Variants in ROBO2 observed in about 807,000 individuals in gnomAD.
ROBO2 encodes roundabout homolog 2.
ROBO2 carries 53 observed loss-of-function variants against 160.8 expected under a neutral mutation model. The ratio of observed to expected loss-of-function variants is 0.33; its 90% CI spans 0.26 to 0.41. The LOEUF (loss-of-function observed/expected upper bound fraction) is 0.41. Among genes scored for constraint, ROBO2 ranks in the 10% least tolerant of loss-of-function variants. The pLI is 1.00. For synonymous variants in ROBO2, 664 were observed against 611.7 expected (o/e 1.09, Z -1.26); for missense variants, 1,577 against 1,722.4 (o/e 0.92, Z 1.49).
At chr3:76,943,330 C>T (rs768640948) in intron 2 of ROBO2, among the ~76,000 whole-genome samples, 3 of 152,068 alleles carry the variant, frequency 2.0e-5, no homozygotes, top group African/African-American at 7.2e-5. Context: ...GTAGTTGTGT[C>T]CCCAGACCTG....
intron 2 of ROBO2, among the ~76,000 whole-genome samples, chr3:76,288,070 T>A (rs949197897): frequency 1.9e-5 from 2 of 105,980 alleles, no homozygotes; most frequent in African/African-American, 1.1e-4. Context: ...TTTCTAAGTA[T>A]AAAAAAGTGT....
intron 2 of ROBO2, among the ~76,000 whole-genome samples, chr3:76,462,391 T>C (rs750249998): frequency 2.0e-5 from 3 of 151,686 alleles, no homozygotes; most frequent in South Asian, 2.1e-4. Flanking sequence ...TCAGTACATA[T>C]ACACACACAC....
chr3:77,190,544 C>T (rs776626419), intron 2 of ROBO2, among the ~76,000 whole-genome samples: 20 of 151,776 alleles, frequency 1.3e-4, no homozygotes, highest in African/African-American at 2.2e-4. Context: ...ACTTTTTTTA[C>T]GAGAAAACAG....
chr3:77,440,405 T>C (rs1373134261), intron 2 of ROBO2, among the ~76,000 whole-genome samples: 2 of 152,176 alleles, frequency 1.3e-5, no homozygotes, highest in East Asian at 3.9e-4. Context: ...CAGTATCACA[T>C]ACCGGCTTTT....
chr3:77,076,687 G>A (rs530664500), intron 1 of ROBO2, among the ~76,000 whole-genome samples: 28 of 152,236 alleles, frequency 1.8e-4, no homozygotes, highest in Non-Finnish European at 3.4e-4. Flanking sequence ...TAGAAATAAT[G>A]TAGCACTTTG....
At chr3:76,137,334 C>A (rs1478035322) in intron 2 of ROBO2, among the ~76,000 whole-genome samples, 1 of 151,914 alleles carries the variant, frequency 6.6e-6, no homozygotes, top group South Asian at 2.1e-4. Flanking sequence ...TGTAGTAATT[C>A]TTGGTTGCCG....
At chr3:76,633,795 T>C (rs902889672) in intron 2 of ROBO2, among the ~76,000 whole-genome samples, 5 of 152,250 alleles carry the variant, frequency 3.3e-5, no homozygotes, top group Non-Finnish European at 7.3e-5. Context: ...AATGCTTATG[T>C]AATTTAATCA....
chr3:77,514,686 T>C (rs1408727498), intron 5 of ROBO2, among the ~76,000 whole-genome samples: 1 of 151,776 alleles, frequency 6.6e-6, no homozygotes, highest in Non-Finnish European at 1.5e-5. Context: ...TGTAAGGAAA[T>C]ATTATTTATA....
At chr3:76,455,723 A>G (rs982450634) in intron 2 of ROBO2, among the ~76,000 whole-genome samples, 8 of 152,164 alleles carry the variant, frequency 5.3e-5, no homozygotes, top group Admixed American at 2.0e-4. Flanking sequence ...TTTCAGGGGA[A>G]GGGAAAAATA....
At chr3:76,208,142 T>C (rs1243248208) in intron 2 of ROBO2, among the ~76,000 whole-genome samples, 1 of 152,170 alleles carries the variant, frequency 6.6e-6, no homozygotes, top group Non-Finnish European at 1.5e-5. Flanking sequence ...TCATGTTTCC[T>C]GTACAGCCTG....
At chr3:76,546,199 C>G (rs1051919196) in intron 2 of ROBO2, among the ~76,000 whole-genome samples, 2 of 151,784 alleles carry the variant, frequency 1.3e-5, no homozygotes, top group African/African-American at 4.8e-5. Context: ...TCTCTTCCAT[C>G]AGAAATCTAA....
At chr3:76,638,090 T>G (rs2090437181) in intron 2 of ROBO2, among the ~76,000 whole-genome samples, 1 of 152,182 alleles carries the variant, frequency 6.6e-6, no homozygotes, top group Non-Finnish European at 1.5e-5. Context: ...GAAGATACTA[T>G]CATGTACTTG....
rs1002447422 is a variant in ROBO2 at position 77,099,025 on chromosome 3, G to A, written c.388+685G>A. Among the ~76,000 whole-genome samples the A allele has an allele frequency of 4.0e-5, 6 of 151,034 alleles. No homozygotes were observed. In the South Asian group the frequency reaches 1.0e-3, roughly 26 times the overall value. On this transcript the variant is annotated intron_variant, in intron 2 of 25. Coordinates refer to ENST00000461745, the Ensembl canonical transcript of ROBO2. Reference sequence around the variant, plus strand: ...TTTTCTCCTAAATAATAGCTCATGGGCCTGTGTCTTTCTTTTGGTAAACAA... The same window carrying A: ...TTTTCTCCTAAATAATAGCTCATGGACCTGTGTCTTTCTTTTGGTAAACAA...
intron 2 of ROBO2, among the ~76,000 whole-genome samples, chr3:76,875,384 T>C (rs78076482): frequency 2.1e-3 from 318 of 152,342 alleles, no homozygotes; most frequent in African/African-American, 7.1e-3. Flanking sequence ...CATAGTGTAT[T>C]AGATTCCTAT....
intron 2 of ROBO2, among the ~76,000 whole-genome samples, chr3:76,151,812 T>TATC (rs146056044): frequency 3.0e-4 from 45 of 152,110 alleles, no homozygotes; most frequent in South Asian, 4.2e-4. Flanking sequence ...TATTATTATG[T>TATC]ATCATCATCA....
chr3:75,923,580 T>G (rs1702254510), intron 1 of ROBO2, among the ~76,000 whole-genome samples: 2 of 152,192 alleles, frequency 1.3e-5, no homozygotes, highest in African/African-American at 2.4e-5. Flanking sequence ...GAAAAATAAC[T>G]GTGTCCAGAA....
At chr3:77,089,675 TGA>T (rs1318493598) in intron 1 of ROBO2, among the ~76,000 whole-genome samples, 1 of 152,232 alleles carries the variant, frequency 6.6e-6, no homozygotes, top group African/African-American at 2.4e-5. Context: ...GGAAGTCTCC[TGA>T]GAGAGTTTTA....
intron 2 of ROBO2, among the ~76,000 whole-genome samples, chr3:76,452,459 A>G (rs1426363258): frequency 6.6e-6 from 1 of 152,114 alleles, no homozygotes; most frequent in East Asian, 1.9e-4. Context: ...TTTACTGAGA[A>G]TGATGATTTC....
rs11325457 is a variant in ROBO2 at position 77,450,031 on chromosome 3, GAA to G, written c.389-27373_389-27372del. On this transcript the variant is annotated intron_variant, in intron 2 of 25. Coordinates refer to ENST00000461745, the Ensembl canonical transcript of ROBO2. ...AAAATCTGTGTCTCCTGTAAACACA[GAA>G]AAAAAAAAATTTGTAAAGTAATAAC... Among the ~76,000 whole-genome samples, 7 of 149,484 alleles carry G rather than the reference GAA, an allele frequency of 4.7e-5. 1 individual carries two copies. In the South Asian group the frequency reaches 6.3e-4, roughly 13 times the overall value.
Sources: gnomAD v4.1 joint callset for allele counts (sites outside exome capture counted in the v4.1 genomes callset) on GRCh38, gnomAD v4.1.1 for gene constraint, MANE v1.5 for transcripts, NCBI Gene and HGNC (gene_info 2026-07-23, HGNC 2026-07-21) for gene names.